NTRK3: variants seen among roughly 807,000 people sequenced by gnomAD.
NTRK3 encodes NT-3 growth factor receptor.
Under a neutral mutation model 91.7 loss-of-function variants are expected in NTRK3, and 24 were observed. The observed-to-expected ratio is 0.26, with a 90% CI of 0.19 to 0.37. The LOEUF is 0.37. NTRK3 is among the 10% of genes least tolerant of loss of function. The pLI is 1.00. For missense variants in NTRK3, 880 were observed against 1,068.9 expected (o/e 0.82, Z 2.46); for synonymous variants, 483 against 404.0 (o/e 1.20, Z -2.34).
intron 3 of NTRK3, among the ~76,000 whole-genome samples, chr15:88,223,875 CA>C (rs1168454721): frequency 6.6e-6 from 1 of 152,142 alleles, no homozygotes; most frequent in Non-Finnish European, 1.5e-5. Flanking sequence ...GGCAGAAGAA[CA>C]AAGTGACAAG....
Position 87,998,395 on chromosome 15 carries a change from T to C in NTRK3, c.1585+34462A>G, listed in dbSNP as rs1280873842. Among the ~76,000 whole-genome samples, 3 of 152,250 alleles carry C rather than the reference T, an allele frequency of 2.0e-5. No individual in the cohort carries two copies. The East Asian group carries it at 5.8e-4, about 29-fold the overall frequency. Reference sequence around the variant, plus strand: ...GTCATAGCTGCCTGCTGTAGTTGTGTGCATCATGGCCACATGGCCAAGGAC... The same window carrying C: ...GTCATAGCTGCCTGCTGTAGTTGTGCGCATCATGGCCACATGGCCAAGGAC... On this transcript the variant is annotated intron_variant, in intron 14 of 18. Transcript: ENST00000394480.
At chr15:87,867,309 C>T (rs2064710807) in exon 19 of NTRK3, 1 of 227,056 alleles carries the variant, frequency 4.4e-6, no homozygotes, top group Non-Finnish European at 8.8e-6. Flanking sequence ...ATAGGGCTTT[C>T]CCTGGCTTTT....
intron 5 of NTRK3, among the ~76,000 whole-genome samples, chr15:88,170,223 T>G (rs961087284): frequency 6.6e-6 from 1 of 152,194 alleles, no homozygotes; most frequent in African/African-American, 2.4e-5. Context: ...AATGATTACA[T>G]GCCAGCTTCA....
At chr15:88,177,801 A>G (rs540767266) in intron 5 of NTRK3, among the ~76,000 whole-genome samples, 99 of 152,360 alleles carry the variant, frequency 6.5e-4, no homozygotes, top group African/African-American at 2.2e-3. Context: ...GGAGACCAAC[A>G]TGTGTTGGGA....
At chr15:88,121,896 G>A (rs1471287415) in intron 13 of NTRK3, among the ~76,000 whole-genome samples, 2 of 152,216 alleles carry the variant, frequency 1.3e-5, no homozygotes, top group African/African-American at 2.4e-5. Context: ...TCCAAAAGAA[G>A]ATGAGCTTGT....
At chr15:88,206,342 T>A in intron 3 of NTRK3, among the ~76,000 whole-genome samples, 1 of 116,528 alleles carries the variant, frequency 8.6e-6, no homozygotes, top group Admixed American at 9.6e-5. Flanking sequence ...AGACTCCATC[T>A]CAAAAAAAAA....
intron 13 of NTRK3, among the ~76,000 whole-genome samples, chr15:88,103,472 G>A (rs2050380067): frequency 6.6e-6 from 1 of 152,170 alleles, no homozygotes; most frequent in Non-Finnish European, 1.5e-5. Flanking sequence ...ATTGGTATGA[G>A]AGAGGCAGAG....
chr15:88,153,599 T>C (rs2043605241), intron 5 of NTRK3, among the ~76,000 whole-genome samples: 1 of 152,182 alleles, frequency 6.6e-6, no homozygotes, highest in African/African-American at 2.4e-5. Flanking sequence ...GTTTTTGCTG[T>C]AATCCATTCA....
At chr15:88,204,506 TTCCTTTGATGCCCTGA>T (rs2048576018) in intron 3 of NTRK3, among the ~76,000 whole-genome samples, 1 of 152,186 alleles carries the variant, frequency 6.6e-6, no homozygotes, top group Non-Finnish European at 1.5e-5. Flanking sequence ...CTACAAACTC[TTCCTTTGATGCCCTGA>T]TCCTTGGCCA....
chr15:88,142,333 A>G (rs1337019042), intron 6 of NTRK3, among the ~76,000 whole-genome samples: 4 of 152,246 alleles, frequency 2.6e-5, no homozygotes, highest in African/African-American at 9.6e-5. Flanking sequence ...GCTGCAAGGC[A>G]AAGCTTACCA....
intron 13 of NTRK3, 89 bp downstream of exon 13, chr15:88,126,182 G>C (rs920178867): frequency 8.6e-5 from 84 of 981,120 alleles, no homozygotes; most frequent in Middle Eastern, 2.1e-4. Context: ...CCCTCTCAGA[G>C]AGCAATGGGA....
At chr15:88,092,118 G>A (rs1014576447) in intron 13 of NTRK3, among the ~76,000 whole-genome samples, 2 of 152,186 alleles carry the variant, frequency 1.3e-5, no homozygotes, top group Non-Finnish European at 2.9e-5. Flanking sequence ...AGGTTCTTGA[G>A]CAGCTTGTTT....
chr15:87,929,062 G>C, intron 17 of NTRK3, 129 bp downstream of exon 17: 1 of 1,365,264 alleles, frequency 7.3e-7, no homozygotes, highest in Non-Finnish European at 1.0e-6. Flanking sequence ...GATAACTGTT[G>C]AGTGCATGTC....
At chr15:88,072,992 T>C (rs565569089) in intron 13 of NTRK3, 63 of 202,596 alleles carry the variant, frequency 3.1e-4, no homozygotes, top group Middle Eastern at 3.3e-3. Context: ...AAGCCCATAG[T>C]TCCCATTTGA....
At chr15:87,890,638 A>G (rs1213514523) in intron 17 of NTRK3, among the ~76,000 whole-genome samples, 2 of 151,888 alleles carry the variant, frequency 1.3e-5, no homozygotes, top group African/African-American at 4.8e-5. Flanking sequence ...TGTAGTTAGT[A>G]GTTATTATTT....
At chr15:87,995,225 T>C (rs1448179147) in intron 14 of NTRK3, among the ~76,000 whole-genome samples, 1 of 152,158 alleles carries the variant, frequency 6.6e-6, no homozygotes, top group Non-Finnish European at 1.5e-5. Flanking sequence ...TCACCAAATC[T>C]GTGCCTTAGC....
intron 3 of NTRK3, among the ~76,000 whole-genome samples, chr15:88,225,683 A>G (rs1315535961): frequency 6.6e-6 from 1 of 152,158 alleles, no homozygotes; most frequent in African/African-American, 2.4e-5. Flanking sequence ...GGCACAGCCC[A>G]CTTCCCCTCT....
At chr15:88,048,606 A>G (rs1247515493) in intron 13 of NTRK3, among the ~76,000 whole-genome samples, 2 of 152,164 alleles carry the variant, frequency 1.3e-5, no homozygotes, top group African/African-American at 4.8e-5. Context: ...TTCCAACACA[A>G]TAGTAGGATT....
chr15:87,989,066 T>C (rs1052365868), intron 14 of NTRK3, among the ~76,000 whole-genome samples: 1 of 152,166 alleles, frequency 6.6e-6, no homozygotes, highest in African/African-American at 2.4e-5. Context: ...GACTATAAAC[T>C]AGTTCAACCA....
Sources: gnomAD v4.1 joint callset for allele counts (sites outside exome capture counted in the v4.1 genomes callset) on GRCh38, gnomAD v4.1.1 for gene constraint, MANE v1.5 for transcripts, NCBI Gene and HGNC (gene_info 2026-07-23, HGNC 2026-07-21) for gene names.